Variants in TTC3 observed in about 807,000 individuals in gnomAD.
The protein encoded by TTC3 is E3 ubiquitin-protein ligase TTC3.
Under a neutral mutation model 249.6 loss-of-function variants are expected in TTC3, and 180 were observed. The observed-to-expected ratio is 0.72, with a 90% CI of 0.64 to 0.82. The LOEUF is 0.82. TTC3 is among the 40% of genes least tolerant of loss of function. The pLI is 0.00. For missense variants in TTC3, 2,061 were observed against 2,398.4 expected, an observed-to-expected ratio of 0.86 and a Z score of 2.94; for synonymous variants, 717 against 805.0, an observed-to-expected ratio of 0.89 and a Z score of 1.85.
intron 23 of TTC3, among the ~76,000 whole-genome samples, chr21:37,149,316 G>A (rs1166334762): frequency 2.6e-5 from 4 of 152,154 alleles, no homozygotes; most frequent in Non-Finnish European, 5.9e-5. Context: ...GAAAGAATGA[G>A]GCAGTTGTAC....
chr21:37,083,236 A>G (rs1432361392), intron 1 of TTC3: 3 of 985,330 alleles, frequency 3.0e-6, no homozygotes, highest in East Asian at 1.1e-4. Context: ...GCAGTTGGGT[A>G]TGACTGGCTT....
At chr21:37,179,638 A>T (rs1339004818) in intron 35 of TTC3, among the ~76,000 whole-genome samples, 1 of 152,000 alleles carries the variant, frequency 6.6e-6, no homozygotes, top group South Asian at 2.1e-4. Flanking sequence ...TATTTTCTCT[A>T]CCAAACTGTG....
chr21:37,147,703 G>T, intron 22 of TTC3, 100 bp downstream of exon 22: 5 of 1,330,818 alleles, frequency 3.8e-6, no homozygotes, highest in East Asian at 2.7e-5. Flanking sequence ...TCTCTGGCTA[G>T]TTAGCAGTCG....
intron 3 of TTC3, 57 bp downstream of exon 3, chr21:37,087,932 A>G (rs1878219754): frequency 1.5e-6 from 2 of 1,339,110 alleles, no homozygotes; most frequent in East Asian, 2.3e-5. Flanking sequence ...AGGGAGGTCC[A>G]TCCATCCTGT....
intron 35 of TTC3, among the ~76,000 whole-genome samples, chr21:37,180,348 G>A (rs535709476): frequency 4.0e-5 from 6 of 151,132 alleles, no homozygotes; most frequent in Admixed American, 3.9e-4. Flanking sequence ...TTCTTTATCT[G>A]CTTAGCATTC....
chr21:37,166,657 A>G (rs763458269), intron 33 of TTC3, 42 bp downstream of exon 33: 2 of 1,527,120 alleles, frequency 1.3e-6, no homozygotes, highest in Non-Finnish European at 1.8e-6. Context: ...CTGAAGTTAA[A>G]TTTTCCTTTT....
rs752329470 is a variant in TTC3, at chr21:37,195,711, G to A, written c.5254G>A (p.Asp1752Asn). Residue 1752 changes from aspartate to asparagine, a missense_variant, in exon 42 of 46, where the codon GAT becomes AAT. Around this residue, in one of 3 missense-constraint regions of TTC3, gnomAD observed 1,040 missense variants for 1,186.1 expected, o/e 0.88. Coordinates refer to ENST00000355666, the Ensembl canonical transcript of TTC3. ...GTTACTCCCTGAGTCTTCAGGCGAC[G>A]ATGGCCAAGGGCTTGTGACTTCTGC... The A allele has an allele frequency of 5.0e-6, 8 of 1,613,460 alleles. No individual in the cohort carries two copies. Among genetic ancestry groups the A allele is most frequent in the South Asian group, 2.2e-5 (2 of 90,990 alleles).
At chr21:37,126,213 T>C in intron 15 of TTC3, 70 bp downstream of exon 15, 1 of 1,437,072 alleles carries the variant, frequency 7.0e-7, no homozygotes, top group African/African-American at 1.4e-5. Context: ...TGCCCTACAA[T>C]GTGCACAAGC....
intron 34 of TTC3, among the ~76,000 whole-genome samples, chr21:37,169,467 C>T (rs753852640): frequency 6.6e-6 from 1 of 151,610 alleles, no homozygotes. Context: ...TTGCTTGAAC[C>T]TGGGAGGCGG....
At chr21:37,124,901 G>A (rs2076933571) in intron 14 of TTC3, among the ~76,000 whole-genome samples, 159 bp downstream of exon 14, 1 of 152,074 alleles carries the variant, frequency 6.6e-6, no homozygotes, top group South Asian at 2.1e-4. Context: ...AATAATCTGA[G>A]TATCTCATAT....
chr21:37,157,034 G>T (rs896093191), intron 28 of TTC3, 128 bp downstream of exon 28: 5 of 1,387,276 alleles, frequency 3.6e-6, no homozygotes, highest in Non-Finnish European at 4.9e-6. Flanking sequence ...ATCAGTTTAT[G>T]TGGGGAAGTT....
intron 20 of TTC3, among the ~76,000 whole-genome samples, chr21:37,143,170 C>T (rs2078654430): frequency 6.6e-6 from 1 of 152,150 alleles, no homozygotes; most frequent in Non-Finnish European, 1.5e-5. Context: ...CATTACCATT[C>T]AGGACATAGG....
At chr21:37,133,004 TATAGAC>T (rs2077604460) in intron 17 of TTC3, among the ~76,000 whole-genome samples, 1 of 152,162 alleles carries the variant, frequency 6.6e-6, no homozygotes, top group Admixed American at 6.5e-5. Context: ...ACTCAGCTAT[TATAGAC>T]ATATCATTTA....
chr21:37,113,927 A>G (rs1228793643), intron 11 of TTC3, among the ~76,000 whole-genome samples: 2 of 152,228 alleles, frequency 1.3e-5, no homozygotes, highest in African/African-American at 2.4e-5. Flanking sequence ...GACAAAAACA[A>G]GCAATGGGGA....
intron 4 of TTC3, among the ~76,000 whole-genome samples, 189 bp downstream of exon 4, chr21:37,088,535 A>G (rs1462082979): frequency 6.6e-6 from 1 of 152,242 alleles, no homozygotes; most frequent in Non-Finnish European, 1.5e-5. Flanking sequence ...AATCAGTGAA[A>G]TTCTGAATAG....
chr21:37,153,427 C>A, intron 27 of TTC3, 150 bp downstream of exon 27: 1 of 778,664 alleles, frequency 1.3e-6, no homozygotes, highest in Non-Finnish European at 1.9e-6. Flanking sequence ...CCAGTCCCAG[C>A]TACTTGGGAG....
chr21:37,185,268 C>T (rs2083133607), intron 36 of TTC3, among the ~76,000 whole-genome samples: 1 of 152,068 alleles, frequency 6.6e-6, no homozygotes, highest in Admixed American at 6.6e-5. Context: ...TGTGTGTGTG[C>T]GTGCGCACCC....
In TTC3 at chr21:37,108,108, C is replaced by T. The variant is rs566928752; in HGVS notation, c.846-284C>T. 1.6e-5 allele frequency: 4 copies of T among 252,492 alleles called. No individual in the cohort carries two copies. In the Admixed American group the frequency reaches 2.0e-4, roughly 13 times the overall value. 15.6% of individuals were successfully genotyped at this position (252,492 alleles called of 1,614,324 possible). On this transcript the variant is annotated intron_variant, in intron 10 of 45. Coordinates refer to ENST00000355666, the Ensembl canonical transcript of TTC3. The stretch of plus-strand genomic sequence containing the variant: ...TCAAAAAAAACAAAAGAATGCTATG[C>T]ATAGGTACAATGTCGAAATGTGCAA...
chr21:37,094,621 G>A (rs1052321757), intron 8 of TTC3, among the ~76,000 whole-genome samples: 3 of 151,934 alleles, frequency 2.0e-5, no homozygotes, highest in East Asian at 1.9e-4. Flanking sequence ...TATGTTTTTC[G>A]GCACTAAGGC....
Sources: gnomAD v4.1 joint callset for allele counts (sites outside exome capture counted in the v4.1 genomes callset) on GRCh38, gnomAD v4.1.1 for gene constraint, gnomAD v4.1.1 regional missense constraint, MANE v1.5 for transcripts, NCBI Gene and HGNC (gene_info 2026-07-23, HGNC 2026-07-21) for gene names.